The following ABL1 variants were observed in gnomAD, a reference collection of about 807,000 sequenced individuals.
The protein encoded by ABL1 is ABL proto-oncogene 1, non-receptor tyrosine kinase, also known as tyrosine-protein kinase ABL1.
Under a neutral mutation model 94.7 loss-of-function variants are expected in ABL1, and 11 were observed. The ratio of observed to expected loss-of-function variants is 0.12; its 90% CI spans 0.07 to 0.19. The LOEUF is 0.19. Ranked by LOEUF, ABL1 falls within the 10% of genes least tolerant of loss-of-function variation. The pLI, the probability that ABL1 is intolerant of heterozygous loss-of-function variation, is 1.00. For synonymous variants in ABL1, 656 were observed against 622.4 expected (o/e 1.05, Z -0.80); for missense variants, 1,082 against 1,489.4 (o/e 0.73, Z 4.50).
chr9:130,735,928 TGTGTGC>T (rs1421966684), intron 1 of ABL1, among the ~76,000 whole-genome samples: 2 of 116,606 alleles, frequency 1.7e-5, no homozygotes, highest in African/African-American at 6.8e-5. Context: ...TGTATGCATG[TGTGTGC>T]ATATATATAT....
intron 10 of ABL1, among the ~76,000 whole-genome samples, chr9:130,883,754 G>A (rs886262440): frequency 1.3e-5 from 2 of 152,218 alleles, no homozygotes; most frequent in Non-Finnish European, 2.9e-5. Context: ...GTCCCACAGT[G>A]GGGAAGGGAC....
At chr9:130,753,614 C>T (rs185249160) in intron 1 of ABL1, among the ~76,000 whole-genome samples, 171 of 150,850 alleles carry the variant, frequency 1.1e-3, no homozygotes, top group South Asian at 1.7e-3. Flanking sequence ...TTAGTAGAGA[C>T]GGGTTTTTAC....
chr9:130,821,288 C>T (rs993305409), intron 1 of ABL1, among the ~76,000 whole-genome samples: 2 of 152,132 alleles, frequency 1.3e-5, no homozygotes, highest in African/African-American at 4.8e-5. Flanking sequence ...TGTCCCTTTG[C>T]AGCAGTCCTA....
chr9:130,757,961 C>T (rs1463984064), intron 1 of ABL1, among the ~76,000 whole-genome samples: 1 of 152,172 alleles, frequency 6.6e-6, no homozygotes, highest in Non-Finnish European at 1.5e-5. Context: ...CCAGGGCACA[C>T]CCAGGTGCTG....
chr9:130,714,795 C>T (rs1831416926), intron 1 of ABL1, among the ~76,000 whole-genome samples: 1 of 152,208 alleles, frequency 6.6e-6, no homozygotes, highest in African/African-American at 2.4e-5. Flanking sequence ...TGATTCTGCT[C>T]TAACCGAAGT....
chr9:130,781,846 G>A (rs1398727072), intron 1 of ABL1, among the ~76,000 whole-genome samples: 1 of 152,038 alleles, frequency 6.6e-6, no homozygotes, highest in Non-Finnish European at 1.5e-5. Flanking sequence ...TGAGAGAAGA[G>A]GAGGAGGTAA....
chr9:130,838,140 A>G (rs900231379), intron 1 of ABL1, among the ~76,000 whole-genome samples: 10 of 152,186 alleles, frequency 6.6e-5, no homozygotes, highest in African/African-American at 2.4e-4. Flanking sequence ...CATTTTATAG[A>G]TGAGGAAACT....
At chr9:130,868,301 T>G (rs1031318367) in intron 4 of ABL1, among the ~76,000 whole-genome samples, 2 of 152,074 alleles carry the variant, frequency 1.3e-5, no homozygotes, top group Non-Finnish European at 2.9e-5. Flanking sequence ...ATTCATCTGA[T>G]GGGTGAAGGA....
intron 1 of ABL1, among the ~76,000 whole-genome samples, chr9:130,807,704 T>G (rs1830147036): frequency 7.2e-6 from 1 of 138,082 alleles, no homozygotes; most frequent in East Asian, 2.1e-4. Flanking sequence ...AGTTTTTTTT[T>G]TTTTTTTTTT....
At chr9:130,815,016 T>C (rs1271359065) in intron 1 of ABL1, among the ~76,000 whole-genome samples, 1 of 152,144 alleles carries the variant, frequency 6.6e-6, no homozygotes, top group East Asian at 1.9e-4. Context: ...TAAGCTCCTC[T>C]GTCTGACTTA....
At chr9:130,722,589 C>T (rs1450792703) in intron 1 of ABL1, among the ~76,000 whole-genome samples, 1 of 152,066 alleles carries the variant, frequency 6.6e-6, no homozygotes, top group Non-Finnish European at 1.5e-5. Flanking sequence ...TCCTGGGCTC[C>T]AGTGATCCTC....
At chr9:130,883,653 G>A (rs1831506507) in intron 10 of ABL1, among the ~76,000 whole-genome samples, 1 of 152,082 alleles carries the variant, frequency 6.6e-6, no homozygotes, top group African/African-American at 2.4e-5. Flanking sequence ...TAAAAACGAT[G>A]ACAAGGCCAA....
intron 1 of ABL1, chr9:130,714,615 A>G (rs1831413517): frequency 1.0e-6 from 1 of 987,414 alleles, no homozygotes; most frequent in Non-Finnish European, 1.6e-6. Context: ...TTGTATAAGA[A>G]AAAGTTACTT....
intron 1 of ABL1, among the ~76,000 whole-genome samples, chr9:130,801,751 T>C (rs1830058448): frequency 6.6e-6 from 1 of 152,228 alleles, no homozygotes; most frequent in African/African-American, 2.4e-5. Flanking sequence ...TGTGTTCCGA[T>C]GAGAAGTCAG....
chr9:130,721,057 T>C (rs989767907), intron 1 of ABL1, among the ~76,000 whole-genome samples: 4 of 150,974 alleles, frequency 2.6e-5, no homozygotes, highest in African/African-American at 9.8e-5. Context: ...TTCTCAAAAC[T>C]TTATTTAAAA....
At chr9:130,850,704 G>A (rs867312085) in intron 1 of ABL1, among the ~76,000 whole-genome samples, 1 of 151,218 alleles carries the variant, frequency 6.6e-6, no homozygotes, top group African/African-American at 2.4e-5. Context: ...ACGGGGTTTC[G>A]CTATGTTGGC....
intron 1 of ABL1, among the ~76,000 whole-genome samples, chr9:130,714,766 C>T (rs186122000): frequency 1.3e-5 from 2 of 152,306 alleles, no homozygotes; most frequent in Admixed American, 1.3e-4. Flanking sequence ...TCAGTGGTTT[C>T]TTAGGGTCCC....
chr9:130,830,963 A>G (rs1830488467), upstream of ABL1, among the ~76,000 whole-genome samples: 1 of 152,214 alleles, frequency 6.6e-6, no homozygotes, highest in Non-Finnish European at 1.5e-5. Context: ...AAAGGGATGC[A>G]TGTGTCCCTA....
chr9:130,727,139 T>G (rs1404247764), intron 1 of ABL1, among the ~76,000 whole-genome samples: 1 of 152,212 alleles, frequency 6.6e-6, no homozygotes, highest in African/African-American at 2.4e-5. Flanking sequence ...TTGCATGTAG[T>G]TTTCTATAAA....
Sources: allele counts gnomAD v4.1 joint callset (sites outside exome capture counted in the v4.1 genomes callset), GRCh38; gene constraint gnomAD v4.1.1; transcripts MANE v1.5; gene names NCBI Gene and HGNC (gene_info 2026-07-23, HGNC 2026-07-21).